CCDC50: variants seen among roughly 807,000 people sequenced by gnomAD.
CCDC50 encodes coiled-coil domain-containing protein 50.
In CCDC50, 54 loss-of-function variants were observed where a neutral mutation model predicts 70.2. The ratio of observed to expected loss-of-function variants is 0.77; its 90% CI spans 0.62 to 0.96. The LOEUF is 0.96. CCDC50 is among the 50% of genes least tolerant of loss of function. The pLI is 0.00. For missense variants in CCDC50, 558 were observed against 578.7 expected (o/e 0.96, Z 0.37); for synonymous variants, 216 against 198.8 (o/e 1.09, Z -0.73).
intron 10 of CCDC50, among the ~76,000 whole-genome samples, chr3:191,386,231 T>TC (rs1210740142): frequency 6.2e-4 from 30 of 48,258 alleles, no homozygotes; most frequent in African/African-American, 1.2e-3. Flanking sequence ...TTTTTTTTTT[T>TC]TTTTTTTTTT....
At chr3:191,377,730 A>G (rs1243021168) in intron 6 of CCDC50, among the ~76,000 whole-genome samples, 1 of 152,158 alleles carries the variant, frequency 6.6e-6, no homozygotes, top group Non-Finnish European at 1.5e-5. Context: ...AGTACTTTCA[A>G]CAATTTTATT....
At chr3:191,362,388 G>T (rs185622923) in intron 4 of CCDC50, among the ~76,000 whole-genome samples, 1 of 152,106 alleles carries the variant, frequency 6.6e-6, no homozygotes, top group African/African-American at 2.4e-5. Context: ...GCCTCCCAAA[G>T]CACTGGAATT....
chr3:191,380,984 AG>A, intron 9 of CCDC50, 52 bp downstream of exon 9: 5 of 1,408,664 alleles, frequency 3.5e-6, no homozygotes, highest in South Asian at 1.2e-5. Flanking sequence ...AGAAATGAAA[AG>A]GGGACTCTGC....
intron 3 of CCDC50, 48 bp from the exon 4 acceptor site, chr3:191,361,021 A>G (rs749241704): frequency 8.0e-7 from 1 of 1,242,832 alleles, no homozygotes. Flanking sequence ...TTTAGGAAAT[A>G]CATTATTTTT....
chr3:191,383,019 C>A (rs1205872505), intron 10 of CCDC50, among the ~76,000 whole-genome samples, 194 bp downstream of exon 10: 2 of 152,092 alleles, frequency 1.3e-5, no homozygotes, highest in Non-Finnish European at 2.9e-5. Flanking sequence ...TACATCAAAT[C>A]AGAATTTTAC....
At chr3:191,357,723 C>T (rs1176904998) in intron 2 of CCDC50, among the ~76,000 whole-genome samples, 1 of 152,082 alleles carries the variant, frequency 6.6e-6, no homozygotes, top group Non-Finnish European at 1.5e-5. Flanking sequence ...GAGCATTGGC[C>T]CTGGCTTTAG....
chr3:191,348,492 C>T (rs1012071201), intron 1 of CCDC50, among the ~76,000 whole-genome samples: 2 of 142,130 alleles, frequency 1.4e-5, no homozygotes, highest in East Asian at 3.9e-4. Flanking sequence ...AATTCTGTGT[C>T]GACTTTGTGG....
intron 4 of CCDC50, among the ~76,000 whole-genome samples, chr3:191,368,414 A>T (rs1341686266): frequency 6.6e-6 from 1 of 152,044 alleles, no homozygotes; most frequent in Non-Finnish European, 1.5e-5. Flanking sequence ...GTGTCAGTTA[A>T]AAGTGTATTA....
Position 191,375,534 on chromosome 3 carries a change from G to A in CCDC50, c.921G>A (p.Arg307=). 1 of 1,613,440 alleles carries A rather than the reference G, an allele frequency of 6.2e-7. No individual in the cohort carries two copies. Among genetic ancestry groups the A allele is most frequent in the Non-Finnish European group, 8.5e-7 (1 of 1,179,740 alleles). ...GQGEHRKRRH[R]PRTPPFSESE... The stretch of plus-strand genomic sequence containing the variant: ...GTGAGCACAGAAAAAGGAGACACAG[G>A]CCCAGGACTCCTCCATTCTCAGAGA... Residue 307 remains arginine (R), a synonymous_variant, in exon 6 of 12, where the codon AGG becomes AGA. Transcript: ENST00000392455.
chr3:191,363,594 T>G (rs1469466426), intron 4 of CCDC50, among the ~76,000 whole-genome samples: 3 of 152,210 alleles, frequency 2.0e-5, no homozygotes, highest in African/African-American at 7.2e-5. Context: ...TATAGAGAGA[T>G]ATGTGCTGCC....
At chr3:191,372,296 A>G (rs1422249277) in intron 5 of CCDC50, among the ~76,000 whole-genome samples, 2 of 152,224 alleles carry the variant, frequency 1.3e-5, no homozygotes, top group Non-Finnish European at 2.9e-5. Context: ...TTTGAGGAAC[A>G]GGAAGTGGTG....
At chr3:191,356,517 CA>C (rs1480952160) in intron 1 of CCDC50, among the ~76,000 whole-genome samples, 1 of 152,178 alleles carries the variant, frequency 6.6e-6, no homozygotes, top group Non-Finnish European at 1.5e-5. Flanking sequence ...GGGATTGACC[CA>C]CTGAAGAATG....
chr3:191,389,821 C>CGA (rs1361152164), intron 11 of CCDC50, among the ~76,000 whole-genome samples: 2 of 147,640 alleles, frequency 1.4e-5, no homozygotes, highest in Admixed American at 6.8e-5. Context: ...GCATTTTCCT[C>CGA]GAGAGGGAGC....
chr3:191,341,916 ATAT>A (rs1711745661), intron 1 of CCDC50, among the ~76,000 whole-genome samples: 1 of 152,188 alleles, frequency 6.6e-6, no homozygotes, highest in African/African-American at 2.4e-5. Flanking sequence ...AGGGGAAGAA[ATAT>A]TATTTTTATG....
At chr3:191,369,382 C>T (rs1282117643) in intron 4 of CCDC50, among the ~76,000 whole-genome samples, 1 of 151,780 alleles carries the variant, frequency 6.6e-6, no homozygotes, top group African/African-American at 2.4e-5. Context: ...TCATTCTGTC[C>T]CTCACAGTGC....
intron 10 of CCDC50, among the ~76,000 whole-genome samples, chr3:191,386,871 A>G (rs925550998): frequency 2.0e-5 from 3 of 152,238 alleles, no homozygotes; most frequent in Non-Finnish European, 4.4e-5. Flanking sequence ...TCTGAATTCT[A>G]ACTCTTGTAA....
intron 1 of CCDC50, among the ~76,000 whole-genome samples, chr3:191,355,488 G>T (rs1712247544): frequency 6.6e-6 from 1 of 152,304 alleles, no homozygotes; most frequent in African/African-American, 2.4e-5. Flanking sequence ...CCATCATTGT[G>T]TCAGGGAAGG....
chr3:191,389,638 CT>C (rs1713614036), intron 11 of CCDC50, 36 bp downstream of exon 11: 8 of 1,478,250 alleles, frequency 5.4e-6, no homozygotes, highest in South Asian at 1.1e-5. Context: ...TTAGGATCTT[CT>C]TTTTTTATAT....
chr3:191,355,705 A>T (rs1248675433), intron 1 of CCDC50, among the ~76,000 whole-genome samples: 2 of 152,194 alleles, frequency 1.3e-5, no homozygotes, highest in Non-Finnish European at 2.9e-5. Context: ...AAGATATTAG[A>T]ATCGGTTGAG....
Sources: gnomAD v4.1 joint callset for allele counts (sites outside exome capture counted in the v4.1 genomes callset) on GRCh38, gnomAD v4.1.1 for gene constraint, MANE v1.5 for transcripts, NCBI Gene and HGNC (gene_info 2026-07-23, HGNC 2026-07-21) for gene names.